Variants in ALG14 observed in about 807,000 individuals in gnomAD.
The protein encoded by ALG14 is ALG14 UDP-N-acetylglucosaminyltransferase subunit.
A neutral mutation model predicts 22.8 loss-of-function variants in ALG14; 17 were observed. The ratio of observed to expected loss-of-function variants is 0.75; its 90% CI spans 0.51 to 1.12. The LOEUF is 1.12. Ranked by LOEUF, ALG14 falls within the 50% of genes most tolerant of loss-of-function variation. ALG14 has a pLI of 0.00. For synonymous variants in ALG14, 89 were observed against 103.7 expected (o/e 0.86, Z 0.86); for missense variants, 288 against 271.8 (o/e 1.06, Z -0.42).
intron 3 of ALG14, among the ~76,000 whole-genome samples, chr1:95,008,484 T>C (rs1673276501): frequency 1.3e-5 from 2 of 152,184 alleles, no homozygotes; most frequent in Non-Finnish European, 2.9e-5. Flanking sequence ...TTTTTCAAAT[T>C]TCTGTTAGAT....
chr1:95,041,928 C>T (rs1298162546), intron 2 of ALG14, among the ~76,000 whole-genome samples: 9 of 152,122 alleles, frequency 5.9e-5, no homozygotes, highest in Admixed American at 5.9e-4. Context: ...CTATTTATTA[C>T]ACTAGCAGCA....
chr1:95,027,779 T>G (rs1408070353), intron 2 of ALG14, among the ~76,000 whole-genome samples: 1 of 152,234 alleles, frequency 6.6e-6, no homozygotes, highest in Admixed American at 6.5e-5. Flanking sequence ...TTACATTCAC[T>G]GGGTAAATAC....
intron 3 of ALG14, among the ~76,000 whole-genome samples, chr1:94,999,279 A>G (rs2100731998): frequency 6.7e-6 from 1 of 149,638 alleles, no homozygotes; most frequent in East Asian, 2.0e-4. Context: ...CATAGTCCAC[A>G]AAGTTAAAAA....
intron 2 of ALG14, among the ~76,000 whole-genome samples, chr1:95,058,185 C>A (rs1675002221): frequency 7.4e-6 from 1 of 134,692 alleles, no homozygotes; most frequent in Non-Finnish European, 1.5e-5. Flanking sequence ...ACTTGGGAGG[C>A]TGAGGCAGGA....
intron 3 of ALG14, among the ~76,000 whole-genome samples, chr1:95,026,683 C>T (rs1322316340): frequency 2.0e-5 from 3 of 152,136 alleles, no homozygotes; most frequent in African/African-American, 7.2e-5. Context: ...AATCCCAGCA[C>T]TTTGGGAGGC....
At chr1:95,032,624 G>A (rs1356929367) in intron 2 of ALG14, among the ~76,000 whole-genome samples, 1 of 152,196 alleles carries the variant, frequency 6.6e-6, no homozygotes, top group Admixed American at 6.5e-5. Context: ...AAAGGAGCCT[G>A]CCAATTAGAG....
chr1:95,038,712 T>A (rs1571637778), intron 2 of ALG14, among the ~76,000 whole-genome samples: 1 of 142,390 alleles, frequency 7.0e-6, no homozygotes, highest in African/African-American at 2.6e-5. Context: ...TGATAAACTA[T>A]AAGGTTTTTT....
chr1:95,045,478 G>A (rs1460502488), intron 2 of ALG14, among the ~76,000 whole-genome samples: 1 of 152,022 alleles, frequency 6.6e-6, no homozygotes, highest in Admixed American at 6.6e-5. Context: ...AGCTAAATGT[G>A]GACAGCCAGG....
intron 3 of ALG14, among the ~76,000 whole-genome samples, chr1:95,003,650 A>AG (rs1244781974): frequency 6.6e-6 from 1 of 151,770 alleles, no homozygotes; most frequent in Non-Finnish European, 1.5e-5. Context: ...TGTAGAGATG[A>AG]GGTCTTGCTA....
At chr1:94,986,972 A>C (rs1672661615) in intron 3 of ALG14, among the ~76,000 whole-genome samples, 1 of 152,122 alleles carries the variant, frequency 6.6e-6, no homozygotes, top group South Asian at 2.1e-4. Context: ...AAGAGCACAC[A>C]GTCCAGTCAG....
At chr1:94,994,382 C>G (rs374379585) in intron 3 of ALG14, among the ~76,000 whole-genome samples, 41 of 152,186 alleles carry the variant, frequency 2.7e-4, no homozygotes, top group East Asian at 1.3e-3. Flanking sequence ...ACAGCTAGAG[C>G]TAGATGAAGC....
intron 3 of ALG14, among the ~76,000 whole-genome samples, chr1:95,024,326 T>G (rs1673752264): frequency 6.6e-6 from 1 of 152,212 alleles, no homozygotes; most frequent in Non-Finnish European, 1.5e-5. Flanking sequence ...ATTTCAAGTC[T>G]ACCTGTTGTT....
intron 2 of ALG14, among the ~76,000 whole-genome samples, chr1:95,036,671 C>T (rs1322888483): frequency 1.3e-5 from 2 of 152,064 alleles, no homozygotes; most frequent in African/African-American, 4.8e-5. Context: ...AGGTGATCCG[C>T]CCACCTCGAC....
chr1:95,005,828 A>T (rs1222086468), intron 3 of ALG14, among the ~76,000 whole-genome samples: 4 of 152,112 alleles, frequency 2.6e-5, no homozygotes, highest in Non-Finnish European at 5.9e-5. Context: ...GGTGCCAGGG[A>T]TATGGACATT....
chr1:94,992,407 G>A (rs1263200191), intron 3 of ALG14, among the ~76,000 whole-genome samples: 6 of 152,136 alleles, frequency 3.9e-5, no homozygotes, highest in Non-Finnish European at 7.3e-5. Flanking sequence ...TTCCTGAGGA[G>A]GTGACTTACT....
intron 2 of ALG14, among the ~76,000 whole-genome samples, chr1:95,048,032 C>G (rs1475479440): frequency 6.6e-6 from 1 of 152,098 alleles, no homozygotes; most frequent in Non-Finnish European, 1.5e-5. Context: ...AAGAGCAAAG[C>G]AACAGAAAAA....
intron 3 of ALG14, 100 bp downstream of exon 3, chr1:95,027,029 A>G (rs1471621602): frequency 7.0e-7 from 1 of 1,435,146 alleles, no homozygotes; most frequent in African/African-American, 1.4e-5. Flanking sequence ...TACCTGGCAC[A>G]CTAATAAATG....
intron 3 of ALG14, among the ~76,000 whole-genome samples, chr1:95,025,259 T>C (rs1451556707): frequency 6.6e-6 from 1 of 152,186 alleles, no homozygotes; most frequent in Admixed American, 6.5e-5. Flanking sequence ...AGCAGTAATA[T>C]TTTGAAAGGA....
chr1:95,020,564 C>G (rs537153461), intron 3 of ALG14, among the ~76,000 whole-genome samples: 2 of 151,898 alleles, frequency 1.3e-5, no homozygotes, highest in East Asian at 3.9e-4. Flanking sequence ...CATGGAGAAA[C>G]CCTGTCTCTA....
Sources: allele counts gnomAD v4.1 joint callset (sites outside exome capture counted in the v4.1 genomes callset), GRCh38; gene constraint gnomAD v4.1.1; transcripts MANE v1.5; gene names NCBI Gene and HGNC (gene_info 2026-07-23, HGNC 2026-07-21).